C10orf143: variants seen among roughly 807,000 people sequenced by gnomAD.
C10orf143 encodes chromosome 10 open reading frame 143, also known as uncharacterized protein C10orf143.
At chr10:130,107,147 C>T (rs774243614) in intron 1 of C10orf143, 18 of 1,598,970 alleles carry the variant, frequency 1.1e-5, no homozygotes, top group African/African-American at 1.3e-5. Flanking sequence ...AGAAAACACA[C>T]ATTTTGAAAG....
Position 130,056,660 on chromosome 10 carries a change from T to C in C10orf143, c.298-20690A>G, listed in dbSNP as rs12769750. On this transcript the variant is annotated intron_variant and NMD_transcript_variant, in intron 3 of 5. Coordinates refer to the C10orf143 transcript ENST00000643056. The surrounding 1 kb of genome is among the most constrained non-coding windows in gnomAD (Gnocchi z 4.6). ...AGGCTGGAGTGCAGTGGCGCTCTCT[T>C]GGCTCACTGCAAGCTCCGCCTCCTG... Among the ~76,000 whole-genome samples the C allele has an allele frequency of 0.16, 23,960 of 151,888 alleles. 2,013 individuals are homozygous for C. The highest frequency in any genetic ancestry group is 0.23 in the Middle Eastern group (68 of 294).
At chr10:130,105,953 T>C in intron 1 of C10orf143, 1 of 385,504 alleles carries the variant, frequency 2.6e-6, no homozygotes, top group Non-Finnish European at 5.2e-6. Context: ...GGTTGCCGGG[T>C]GCGGATTCGG....
In C10orf143 at chr10:130,108,251, G is replaced by A. The variant is rs377722933; in HGVS notation, c.69+2453C>T. On this transcript the variant is annotated intron_variant, in intron 1 of 3. Coordinates refer to ENST00000637128, the MANE Select transcript of C10orf143 (RefSeq NM_001355042.2). ...AGCTTCTCGAGATTATTTTCCACCA[G>A]GGGATTTCCCAGGTCCACCACATGC... is the stretch of plus-strand genomic sequence containing the variant. 14 of 1,560,990 alleles carry A rather than the reference G, an allele frequency of 9.0e-6. No homozygotes were observed. In the East Asian group the frequency reaches 2.5e-4, roughly 28 times the overall value.
chr10:130,051,002 C>T (rs1461495599), intron 3 of C10orf143, among the ~76,000 whole-genome samples: 1 of 152,166 alleles, frequency 6.6e-6, no homozygotes, highest in African/African-American at 2.4e-5. Flanking sequence ...ACAGGTGCAG[C>T]GCTGGCTGTG....
chr10:130,048,641 A>G (rs772928514), intron 3 of C10orf143, among the ~76,000 whole-genome samples: 4 of 152,194 alleles, frequency 2.6e-5, no homozygotes, highest in Non-Finnish European at 5.9e-5. Flanking sequence ...CAAAAGCTCC[A>G]GATACTCTGG....
chr10:130,109,363 G>A (rs1861720277), intron 1 of C10orf143, among the ~76,000 whole-genome samples: 1 of 152,082 alleles, frequency 6.6e-6, no homozygotes, highest in Admixed American at 6.5e-5. Context: ...GATGGTGTGA[G>A]GGGAAGGAAC....
At chr10:130,087,479 T>C (rs1425045248) in intron 1 of C10orf143, among the ~76,000 whole-genome samples, 3 of 152,188 alleles carry the variant, frequency 2.0e-5, no homozygotes, top group Non-Finnish European at 2.9e-5. Flanking sequence ...TTTCAAACGA[T>C]GCTAAATTAA....
At chr10:130,058,716 A>G (rs181961918) in intron 3 of C10orf143, among the ~76,000 whole-genome samples, 57 of 152,310 alleles carry the variant, frequency 3.7e-4, no homozygotes, top group African/African-American at 1.3e-3. Context: ...TTATCAGAGC[A>G]AAATGTACCA....
chr10:130,072,402 C>A (rs1861047597), intron 3 of C10orf143, among the ~76,000 whole-genome samples: 1 of 152,192 alleles, frequency 6.6e-6, no homozygotes, highest in South Asian at 2.1e-4. Flanking sequence ...CATTCTCATT[C>A]TTTCCTCTAT....
At chr10:130,106,173 T>C (rs756481576) in intron 1 of C10orf143, 2 of 862,888 alleles carry the variant, frequency 2.3e-6, no homozygotes, top group South Asian at 2.6e-5. Context: ...CCATGGGAAA[T>C]GGTGATATGT....
chr10:130,085,623 G>T (rs1410631414), intron 1 of C10orf143, among the ~76,000 whole-genome samples: 1 of 152,030 alleles, frequency 6.6e-6, no homozygotes, highest in Non-Finnish European at 1.5e-5. Flanking sequence ...AATGGAATAA[G>T]GTCTATAGTT....
At chr10:130,037,725 C>A (rs1250337062) in intron 3 of C10orf143, among the ~76,000 whole-genome samples, 1 of 152,222 alleles carries the variant, frequency 6.6e-6, no homozygotes, top group Non-Finnish European at 1.5e-5. Context: ...TACGTGACAA[C>A]TGTCAGACAA....
chr10:130,102,265 C>T (rs572769397), intron 1 of C10orf143, among the ~76,000 whole-genome samples: 9 of 105,190 alleles, frequency 8.6e-5, no homozygotes, highest in East Asian at 8.5e-4. Flanking sequence ...GTAAGTCAGG[C>T]GGTTTGATAT....
chr10:130,107,210 G>C (rs752862689), intron 1 of C10orf143: 1 of 1,359,602 alleles, frequency 7.4e-7, no homozygotes, highest in South Asian at 1.2e-5. Context: ...ATTATATCAA[G>C]AAAATGAAAT....
intron 3 of C10orf143, among the ~76,000 whole-genome samples, chr10:130,048,901 C>T (rs1018166601): frequency 6.6e-6 from 1 of 152,090 alleles, no homozygotes; most frequent in African/African-American, 2.4e-5. Context: ...CATAGGGTCT[C>T]GCTATATTGC....
At chr10:130,099,508 ATTTTTATT>A (rs1430677433) in intron 1 of C10orf143, among the ~76,000 whole-genome samples, 1 of 119,762 alleles carries the variant, frequency 8.3e-6, no homozygotes, top group African/African-American at 3.2e-5. Context: ...TTCTTCTTTT[ATTTTTATT>A]TATTTATTTA....
At chr10:130,077,823 T>C (rs539921417) in intron 3 of C10orf143, among the ~76,000 whole-genome samples, 1 of 152,378 alleles carries the variant, frequency 6.6e-6, no homozygotes, top group East Asian at 1.9e-4. Context: ...TATATGCAGC[T>C]ATAGTCTGTT....
intron 3 of C10orf143, among the ~76,000 whole-genome samples, chr10:130,075,962 G>A (rs946651024): frequency 6.7e-6 from 1 of 149,788 alleles, no homozygotes; most frequent in African/African-American, 2.5e-5. Flanking sequence ...TTTTGTGTGT[G>A]TATGTGTGTG....
chr10:130,097,706 A>C (rs1478844278), intron 1 of C10orf143, among the ~76,000 whole-genome samples: 1 of 152,120 alleles, frequency 6.6e-6, no homozygotes, highest in Non-Finnish European at 1.5e-5. Context: ...CTATTCACAC[A>C]ATGGAATATT....
Sources: gnomAD v4.1 joint callset for allele counts (sites outside exome capture counted in the v4.1 genomes callset) on GRCh38, gnomAD v4.1.1 for gene constraint, Gnocchi (gnomAD v3.1) non-coding constraint, MANE v1.5 for transcripts, NCBI Gene and HGNC (gene_info 2026-07-23, HGNC 2026-07-21) for gene names.